The following APBB2 variants were observed in gnomAD, a reference collection of about 807,000 sequenced individuals.
The protein encoded by APBB2 is Fe65-like 1.
In APBB2, 38 loss-of-function variants were observed where a neutral mutation model predicts 82.5. The observed-to-expected ratio is 0.46, with a 90% CI of 0.36 to 0.60. APBB2 has a LOEUF of 0.60. APBB2 is among the 20% of genes least tolerant of loss of function. The probability of loss-of-function intolerance (pLI) is 0.00; values close to 1 mark genes in which losing one functional copy is unlikely to be tolerated. For missense variants in APBB2, 772 were observed against 972.3 expected, an observed-to-expected ratio of 0.79 and a Z score of 2.74; for synonymous variants, 341 against 368.2, an observed-to-expected ratio of 0.93 and a Z score of 0.85.
Position 40,878,480 on chromosome 4 carries a change from C to G in APBB2, c.1529+11884G>C, listed in dbSNP as rs1230386769. On this transcript the variant is annotated intron_variant, in intron 12 of 17. Coordinates refer to ENST00000508593, the MANE Select transcript of APBB2 (RefSeq NM_004307.2). Reference sequence around the variant, plus strand: ...TTGTCCTCCCCATCACGTTACCTGCCTGTTTGCCATGTCAGCATCCATCTT... The same window carrying G: ...TTGTCCTCCCCATCACGTTACCTGCGTGTTTGCCATGTCAGCATCCATCTT... Among the ~76,000 whole-genome samples, 7 of 152,186 alleles carry G rather than the reference C, an allele frequency of 4.6e-5. No homozygotes were observed. The East Asian group carries it at 1.3e-3, about 29-fold the overall frequency.
At chr4:41,147,787 C>G (rs1012427515) in intron 1 of APBB2, among the ~76,000 whole-genome samples, 2 of 152,058 alleles carry the variant, frequency 1.3e-5, no homozygotes, top group African/African-American at 4.8e-5. Flanking sequence ...CTCTCCTTTT[C>G]AAGCCTGATT....
At chr4:40,913,965 G>A (rs1779206360) in intron 10 of APBB2, among the ~76,000 whole-genome samples, 1 of 152,150 alleles carries the variant, frequency 6.6e-6, no homozygotes, top group Non-Finnish European at 1.5e-5. Flanking sequence ...GCTGGGTGTG[G>A]TGGCTCATGC....
intron 4 of APBB2, among the ~76,000 whole-genome samples, chr4:41,041,694 T>G (rs1721564008): frequency 6.6e-6 from 1 of 152,212 alleles, no homozygotes; most frequent in African/African-American, 2.4e-5. Flanking sequence ...TTAAGGACAT[T>G]GATTTATGAT....
Position 40,832,671 on chromosome 4 carries a change from G to A in APBB2, c.1530-2094C>T, listed in dbSNP as rs1209768276. Reference sequence around the variant, plus strand: ...TCAGGCCATCTCCATCCCCTTGCCAGGACTCAGCTGAAGATGGGTGAGAGC... The same window carrying A: ...TCAGGCCATCTCCATCCCCTTGCCAAGACTCAGCTGAAGATGGGTGAGAGC... On this transcript the variant is annotated intron_variant, in intron 12 of 17. Transcript: ENST00000508593. The surrounding 1 kb of genome is among the most constrained non-coding windows in gnomAD (Gnocchi z 4.8). 2.0e-5 allele frequency among the ~76,000 whole-genome samples: 3 copies of A among 152,150 alleles called. No homozygotes were observed. The highest frequency in any genetic ancestry group is 4.4e-5 in the Non-Finnish European group (3 of 68,036).
At chr4:41,041,039 C>A (rs1023651280) in intron 4 of APBB2, among the ~76,000 whole-genome samples, 3 of 152,134 alleles carry the variant, frequency 2.0e-5, no homozygotes, top group Admixed American at 6.5e-5. Context: ...CACCACCACA[C>A]CCGGCTGATT....
At chr4:41,177,996 CT>C (rs1249410625) in intron 1 of APBB2, among the ~76,000 whole-genome samples, 1 of 152,058 alleles carries the variant, frequency 6.6e-6, no homozygotes, top group Non-Finnish European at 1.5e-5. Context: ...GATGCTCAAC[CT>C]GTATATATGA....
intron 6 of APBB2, among the ~76,000 whole-genome samples, chr4:40,953,593 G>A (rs202161994): frequency 8.5e-5 from 13 of 152,190 alleles, no homozygotes; most frequent in South Asian, 8.3e-4. Context: ...CCTTTCCCCC[G>A]AATTCTGCTC....
intron 7 of APBB2, among the ~76,000 whole-genome samples, chr4:40,940,416 G>A (rs562269189): frequency 6.6e-5 from 10 of 152,236 alleles, no homozygotes; most frequent in South Asian, 2.1e-4. Flanking sequence ...ACCATTCCTC[G>A]GCTCACTGGC....
In APBB2 at chr4:41,051,707, C is replaced by T. The variant is rs989358458; in HGVS notation, c.-51+13869G>A. Among the ~76,000 whole-genome samples the T allele has an allele frequency of 2.0e-5, 3 of 152,166 alleles. No homozygotes were observed. In the East Asian group the frequency reaches 5.8e-4, roughly 29 times the overall value. Reference sequence around the variant, plus strand: ...GTCGATATTCTCATTACCTGTCTGCCCTCATGCCAATCCAACTGTACTCTC... The same window carrying T: ...GTCGATATTCTCATTACCTGTCTGCTCTCATGCCAATCCAACTGTACTCTC... On this transcript the variant is annotated intron_variant, in intron 4 of 17. Coordinates refer to ENST00000508593, the MANE Select transcript of APBB2 (RefSeq NM_004307.2).
intron 2 of APBB2, among the ~76,000 whole-genome samples, chr4:41,134,174 G>A (rs1271816298): frequency 1.3e-5 from 2 of 151,994 alleles, no homozygotes; most frequent in Non-Finnish European, 2.9e-5. Context: ...GTAGAGATAG[G>A]TTGTCCTATG....
At chr4:41,157,760 G>A (rs1216375025) in intron 1 of APBB2, among the ~76,000 whole-genome samples, 1 of 152,212 alleles carries the variant, frequency 6.6e-6, no homozygotes, top group Non-Finnish European at 1.5e-5. Context: ...GGAGGATGAT[G>A]TGGGTGGATC....
At chr4:41,147,982 T>C (rs1241682665) in intron 1 of APBB2, among the ~76,000 whole-genome samples, 1 of 152,132 alleles carries the variant, frequency 6.6e-6, no homozygotes, top group Non-Finnish European at 1.5e-5. Context: ...ATATTTTTAT[T>C]ATAAAAATTA....
chr4:41,134,305 C>T lies in APBB2; in HGVS notation c.-261+8682G>A, dbSNP rs367765784. Among the ~76,000 whole-genome samples, 75 of 152,108 alleles carry T rather than the reference C, an allele frequency of 4.9e-4. 1 individual carries two copies. Among genetic ancestry groups the T allele is most frequent in the Middle Eastern group, 6.8e-3 (2 of 292 alleles). ...CCAGGACAAACTTTTTAGGGCCGGGCGCAGTGGCTCATGCCTGTAATCCCA... is the reference window on the plus strand; with the variant it reads ...CCAGGACAAACTTTTTAGGGCCGGGTGCAGTGGCTCATGCCTGTAATCCCA... On this transcript the variant is annotated intron_variant, in intron 2 of 17. Coordinates refer to ENST00000508593, the MANE Select transcript of APBB2 (RefSeq NM_004307.2).
intron 6 of APBB2, among the ~76,000 whole-genome samples, chr4:40,979,266 G>A (rs951971244): frequency 3.3e-5 from 5 of 152,126 alleles, no homozygotes; most frequent in African/African-American, 1.2e-4. Flanking sequence ...AAGACTTGAT[G>A]TCCAACATAC....
intron 1 of APBB2, among the ~76,000 whole-genome samples, chr4:41,187,838 A>G (rs1249832415): frequency 2.0e-5 from 3 of 152,228 alleles, no homozygotes; most frequent in Non-Finnish European, 4.4e-5. Context: ...TTGTAATCCA[A>G]ATCTCACTGC....
At chr4:40,824,004 A>G (rs1748956445) in intron 15 of APBB2, among the ~76,000 whole-genome samples, 1 of 152,294 alleles carries the variant, frequency 6.6e-6, no homozygotes, top group Middle Eastern at 3.4e-3. Flanking sequence ...GTTCGAGACC[A>G]GCCTGGCCAA....
chr4:41,008,436 C>T (rs1006582332), intron 6 of APBB2, among the ~76,000 whole-genome samples: 4 of 150,636 alleles, frequency 2.7e-5, no homozygotes, highest in Non-Finnish European at 5.9e-5. Flanking sequence ...GCAGATGGCT[C>T]CCATTTTCAT....
chr4:40,986,293 C>A (rs1479886232), intron 6 of APBB2, among the ~76,000 whole-genome samples: 1 of 152,226 alleles, frequency 6.6e-6, no homozygotes, highest in African/African-American at 2.4e-5. Flanking sequence ...TGTCACCATG[C>A]AATCCACTCC....
At chr4:41,124,741 A>C (rs954279834) in intron 2 of APBB2, among the ~76,000 whole-genome samples, 3 of 152,222 alleles carry the variant, frequency 2.0e-5, no homozygotes, top group Admixed American at 6.5e-5. Context: ...TTGGCTGGAA[A>C]AATAGTTTAT....
Sources: allele counts gnomAD v4.1 joint callset (sites outside exome capture counted in the v4.1 genomes callset), GRCh38; gene constraint gnomAD v4.1.1; non-coding constraint Gnocchi (gnomAD v3.1); transcripts MANE v1.5; gene names NCBI Gene and HGNC (gene_info 2026-07-23, HGNC 2026-07-21).